Variants in PCP4 observed in about 807,000 individuals in gnomAD.
PCP4 encodes Purkinje cell protein 4.
PCP4 carries 8 observed loss-of-function variants against 10.0 expected under a neutral mutation model. The ratio of observed to expected loss-of-function variants is 0.80; its 90% CI spans 0.47 to 1.45. PCP4 has a LOEUF of 1.45. Ranked by LOEUF, PCP4 falls within the 40% of genes most tolerant of loss-of-function variation. The pLI, the probability that PCP4 is intolerant of heterozygous loss-of-function variation, is 0.00. For missense variants in PCP4, 54 were observed against 74.4 expected (o/e 0.73, Z 1.01); for synonymous variants, 21 against 23.0 (o/e 0.91, Z 0.24).
intron 2 of PCP4, among the ~76,000 whole-genome samples, chr21:39,928,044 A>G (rs1191057838): frequency 6.6e-6 from 1 of 152,114 alleles, no homozygotes; most frequent in Non-Finnish European, 1.5e-5. Context: ...ATTTTATTTT[A>G]GTTTTTTATT....
rs62236567 is a variant in PCP4 at position 39,906,416 on chromosome 21, A to C, written c.61+7889A>C. On this transcript the variant is annotated intron_variant, in intron 2 of 2. Coordinates refer to ENST00000328619, the MANE Select transcript of PCP4 (RefSeq NM_006198.3). The surrounding 1 kb of genome is among the most constrained non-coding windows in gnomAD (Gnocchi z 6.3). ...AACTAGCCTCTGGCAAATAGGGGTG[A>C]TCTCAGACTAATAATAGGGACAGCC... Among the ~76,000 whole-genome samples, 4,929 of 152,328 alleles carry C rather than the reference A, an allele frequency of 0.032. 114 individuals are homozygous for C. Among genetic ancestry groups the C allele is most frequent in the Non-Finnish European group, 0.052 (3,544 of 68,022 alleles).
At position 39,906,298 on chromosome 21, in the gene PCP4, T is replaced by G. The variant is rs532390972; in HGVS notation, c.61+7771T>G. Among the ~76,000 whole-genome samples, 1 of 152,316 alleles carries G rather than the reference T, an allele frequency of 6.6e-6. No individual in the cohort carries two copies. Among genetic ancestry groups the G allele is most frequent in the South Asian group, 2.1e-4 (1 of 4,830 alleles). Reference sequence around the variant, plus strand: ...TGGGCAACTTGGATGGGCTGTGGTCTAAGCCCCTGGAACAGAATAAAGTTA... The same window carrying G: ...TGGGCAACTTGGATGGGCTGTGGTCGAAGCCCCTGGAACAGAATAAAGTTA... On this transcript the variant is annotated intron_variant, in intron 2 of 2. Transcript: ENST00000328619. This position sits in a 1 kb window ranked among gnomAD's most constrained non-coding sequence, Gnocchi z 6.3.
chr21:39,886,271 T>C (rs1443056700), intron 1 of PCP4, among the ~76,000 whole-genome samples: 1 of 152,056 alleles, frequency 6.6e-6, no homozygotes, highest in Non-Finnish European at 1.5e-5. Flanking sequence ...GAACCTTCTA[T>C]GATATTAATT....
At chr21:39,867,656 T>C in intron 1 of PCP4, 146 bp downstream of exon 1, 2 of 859,586 alleles carry the variant, frequency 2.3e-6, no homozygotes, top group Non-Finnish European at 4.0e-6. Flanking sequence ...CTGACAGGAT[T>C]AATCTCTTGG....
At position 39,916,795 on chromosome 21, in the gene PCP4, A is replaced by G. The variant is rs143270402; in HGVS notation, c.62-12189A>G. On this transcript the variant is annotated intron_variant, in intron 2 of 2. Coordinates refer to ENST00000328619, the MANE Select transcript of PCP4 (RefSeq NM_006198.3). ...AAAGGAATGAGATCATGTCCTTTGC[A>G]GGGACGTGGATGGAGTTGGAAGCTG... Among the ~76,000 whole-genome samples the G allele has an allele frequency of 2.9e-3, 448 of 152,358 alleles. 4 individuals carry two copies. Among genetic ancestry groups the G allele is most frequent in the African/African-American group, 0.01 (432 of 41,590 alleles).
chr21:39,872,938 C>T (rs1223246597), intron 1 of PCP4, among the ~76,000 whole-genome samples: 1 of 152,092 alleles, frequency 6.6e-6, no homozygotes, highest in African/African-American at 2.4e-5. Context: ...AACATAAGTG[C>T]TCTCATGACA....
intron 1 of PCP4, among the ~76,000 whole-genome samples, chr21:39,880,823 C>T (rs7282768): frequency 6.6e-6 from 1 of 152,118 alleles, no homozygotes; most frequent in South Asian, 2.1e-4. Flanking sequence ...GGTGGTGTGA[C>T]CTTTGGCCAT....
intron 1 of PCP4, among the ~76,000 whole-genome samples, chr21:39,883,238 TG>T (rs796619006): frequency 1.3e-5 from 2 of 152,078 alleles, no homozygotes; most frequent in Non-Finnish European, 2.9e-5. Flanking sequence ...TTGGTGGGGT[TG>T]GGGGGTGCAG....
intron 1 of PCP4, among the ~76,000 whole-genome samples, chr21:39,872,453 C>G (rs892135626): frequency 2.0e-5 from 3 of 152,080 alleles, no homozygotes; most frequent in African/African-American, 7.2e-5. Flanking sequence ...GGACCTAAGC[C>G]TGGGGCTTTT....
intron 1 of PCP4, among the ~76,000 whole-genome samples, chr21:39,890,754 A>G (rs1476779718): frequency 2.0e-5 from 3 of 152,138 alleles, no homozygotes; most frequent in Admixed American, 1.3e-4. Flanking sequence ...TATTTTGATT[A>G]CTGAGTTTCT....
intron 1 of PCP4, among the ~76,000 whole-genome samples, chr21:39,876,337 T>G (rs2087345616): frequency 6.6e-6 from 1 of 152,172 alleles, no homozygotes; most frequent in Non-Finnish European, 1.5e-5. Flanking sequence ...TGACTACTTT[T>G]GGTACCTCCT....
chr21:39,921,103 C>T (rs761862555), intron 2 of PCP4, among the ~76,000 whole-genome samples: 65 of 152,374 alleles, frequency 4.3e-4, no homozygotes, highest in Non-Finnish European at 6.3e-4. Context: ...TCTCTCAGAC[C>T]ACTCGCCGAA....
intron 1 of PCP4, among the ~76,000 whole-genome samples, chr21:39,891,624 C>T (rs755913878): frequency 2.2e-4 from 34 of 152,288 alleles, no homozygotes; most frequent in African/African-American, 6.5e-4. Context: ...GCGCGTAGAC[C>T]GGCAGTGGCC....
At chr21:39,911,408 A>G (rs945458880) in intron 2 of PCP4, among the ~76,000 whole-genome samples, 2 of 152,348 alleles carry the variant, frequency 1.3e-5, no homozygotes, top group African/African-American at 2.4e-5. Flanking sequence ...CTGGCACCCC[A>G]GTGACTGGCC....
chr21:39,868,943 A>C (rs1177811620), intron 1 of PCP4, among the ~76,000 whole-genome samples: 1 of 152,110 alleles, frequency 6.6e-6, no homozygotes, highest in Non-Finnish European at 1.5e-5. Flanking sequence ...TCTGAAATAG[A>C]GATGGAATGA....
intron 2 of PCP4, among the ~76,000 whole-genome samples, chr21:39,905,355 A>C (rs1228376396): frequency 6.6e-6 from 1 of 152,230 alleles, no homozygotes; most frequent in Non-Finnish European, 1.5e-5. Flanking sequence ...GGAAGGAAGA[A>C]ATGGACACAC....
intron 1 of PCP4, among the ~76,000 whole-genome samples, chr21:39,890,409 G>A (rs1437494939): frequency 6.6e-6 from 1 of 152,102 alleles, no homozygotes; most frequent in African/African-American, 2.4e-5. Context: ...AGGCTGGAGT[G>A]CAATGGCATG....
rs577838184 is a variant in PCP4, at chr21:39,920,445, T to C, written c.62-8539T>C. ...TGTGTGACTGTGTGATGGGAGTGGATGTGTCGGTCTGTTGTGTGTGTGTGG... is the reference window on the plus strand; with the variant it reads ...TGTGTGACTGTGTGATGGGAGTGGACGTGTCGGTCTGTTGTGTGTGTGTGG... On this transcript the variant is annotated intron_variant, in intron 2 of 2. Transcript: ENST00000328619. 6.6e-3 allele frequency among the ~76,000 whole-genome samples: 1,002 copies of C among 151,250 alleles called. 12 individuals are homozygous for C. Among genetic ancestry groups the C allele is most frequent in the African/African-American group, 0.023 (942 of 41,146 alleles).
intron 1 of PCP4, among the ~76,000 whole-genome samples, chr21:39,883,145 A>G (rs2087383930): frequency 1.3e-5 from 2 of 152,250 alleles, no homozygotes; most frequent in South Asian, 4.1e-4. Context: ...CTTTGTGTAC[A>G]GTTCAGATGC....
Sources: allele counts gnomAD v4.1 joint callset (sites outside exome capture counted in the v4.1 genomes callset), GRCh38; gene constraint gnomAD v4.1.1; non-coding constraint Gnocchi (gnomAD v3.1); transcripts MANE v1.5; gene names NCBI Gene and HGNC (gene_info 2026-07-23, HGNC 2026-07-21).